Variants in BTLA observed in about 807,000 individuals in gnomAD.
The protein encoded by BTLA is B- and T-lymphocyte attenuator.
Under a neutral mutation model 25.0 loss-of-function variants are expected in BTLA, and 11 were observed. The ratio of observed to expected loss-of-function variants is 0.44; its 90% CI spans 0.28 to 0.73. The LOEUF is 0.73. BTLA is among the 30% of genes least tolerant of loss of function. The pLI is 0.15. For missense variants in BTLA, 282 were observed against 332.8 expected (o/e 0.85, Z 1.19); for synonymous variants, 104 against 119.8 (o/e 0.87, Z 0.86).
At chr3:112,488,859 G>A (rs751694452) in intron 1 of BTLA, among the ~76,000 whole-genome samples, 3 of 152,038 alleles carry the variant, frequency 2.0e-5, no homozygotes, top group Middle Eastern at 3.4e-3. Context: ...TGATCCACCC[G>A]CCTTGGCCTC....
At chr3:112,498,568 CTT>C (rs34606026) in intron 1 of BTLA, among the ~76,000 whole-genome samples, 148 of 83,858 alleles carry the variant, frequency 1.8e-3, no homozygotes, top group African/African-American at 6.8e-3. Context: ...AAGAAATTGC[CTT>C]TTTTTTTTTT....
Position 112,488,228 on chromosome 3 carries a change from C to CTTTTTTTTTTTTTTTTT in BTLA, c.89-8476_89-8460dup, listed in dbSNP as rs546779181. Reference sequence around the variant, plus strand: ...TGTCACAGTTTCCGTTTTCTTTTTTCTTTTTTTTTTTTTTTTTGAGACAGA... The same window carrying CTTTTTTTTTTTTTTTTT: ...TGTCACAGTTTCCGTTTTCTTTTTTCTTTTTTTTTTTTTTTTTTTTTTTTTTTTTTTTTTGAGACAGA... On this transcript the variant is annotated intron_variant, in intron 1 of 4. Transcript: ENST00000334529. Among the ~76,000 whole-genome samples the CTTTTTTTTTTTTTTTTT allele has an allele frequency of 1.6e-5, 2 of 124,848 alleles. 1 individual carries two copies. The allele number at this position is 124,848 out of a possible 152,430, so 81.9% of individuals were successfully genotyped here.
chr3:112,479,552 A>G lies in BTLA; in HGVS notation c.306T>C (p.Phe102=). ...CATTGTCATTAGGAAGCACTGGTTC[A>G]AAATGTAGAATGAAAAATGAAATGT... ...EKNISFFILH[F]EPVLPNDNGS... Residue 102 remains phenylalanine, a synonymous_variant, in exon 2 of 5, where the codon TTT becomes TTC. Coordinates refer to ENST00000334529, the MANE Select transcript of BTLA (RefSeq NM_181780.4). The G allele has an allele frequency of 5.0e-6, 8 of 1,614,134 alleles. No individual in the cohort carries two copies. The South Asian group carries it at 6.6e-5, about 13-fold the overall frequency.
At chr3:112,474,034 G>A (rs1046066955) in intron 2 of BTLA, among the ~76,000 whole-genome samples, 1 of 152,114 alleles carries the variant, frequency 6.6e-6, no homozygotes, top group Admixed American at 6.6e-5. Flanking sequence ...TAGGACTTTG[G>A]CTTGTTGTGC....
chr3:112,475,221 G>C (rs76205701), intron 2 of BTLA, among the ~76,000 whole-genome samples: 12 of 152,140 alleles, frequency 7.9e-5, no homozygotes, highest in Non-Finnish European at 1.6e-4. Flanking sequence ...AGGATCAAGA[G>C]CATTAATTAA....
intron 1 of BTLA, among the ~76,000 whole-genome samples, chr3:112,494,794 A>G (rs998100347): frequency 6.6e-6 from 1 of 152,174 alleles, no homozygotes; most frequent in Non-Finnish European, 1.5e-5. Context: ...GGATGGGTCA[A>G]TAGGTTAAGC....
At chr3:112,484,631 G>T (rs2082336591) in intron 1 of BTLA, among the ~76,000 whole-genome samples, 1 of 152,302 alleles carries the variant, frequency 6.6e-6, no homozygotes, top group East Asian at 1.9e-4. Context: ...TAGCCATAGG[G>T]CTATCACTTG....
intron 2 of BTLA, among the ~76,000 whole-genome samples, chr3:112,471,902 G>A (rs967423084): frequency 3.3e-5 from 5 of 152,162 alleles, no homozygotes; most frequent in Admixed American, 6.5e-5. Flanking sequence ...CAGCTAATGC[G>A]CATTACTATT....
At chr3:112,468,398 G>A (rs1015628748) in intron 4 of BTLA, among the ~76,000 whole-genome samples, 26 of 152,086 alleles carry the variant, frequency 1.7e-4, no homozygotes, top group African/African-American at 6.3e-4. Context: ...TTTATGTTAA[G>A]AAATATTTAG....
intron 4 of BTLA, among the ~76,000 whole-genome samples, chr3:112,468,026 G>A (rs1024183315): frequency 1.4e-4 from 22 of 152,188 alleles, no homozygotes; most frequent in African/African-American, 5.3e-4. Flanking sequence ...GTGGCACCCC[G>A]TCAAAGTGGC....
chr3:112,465,981 A>T lies in BTLA; in HGVS notation c.*127T>A. The T allele has an allele frequency of 1.8e-6, 2 of 1,085,064 alleles. No individual in the cohort carries two copies. Among genetic ancestry groups the T allele is most frequent in the East Asian group, 2.5e-5 (1 of 40,782 alleles). 67.2% of individuals were successfully genotyped at this position (1,085,064 alleles called of 1,614,324 possible). A position where few individuals can be genotyped will look rare whatever the true frequency, so the allele number is the denominator to read the frequency against. On this transcript the variant is annotated 3_prime_UTR_variant, in exon 5 of 5. Transcript: ENST00000334529. Reference sequence around the variant, plus strand: ...TCCTATGGACCCTTAAGACCCAAGCACTAACATGAACATTTCTAAAGTAAA... The same window carrying T: ...TCCTATGGACCCTTAAGACCCAAGCTCTAACATGAACATTTCTAAAGTAAA...
At chr3:112,495,125 A>G (rs1341832546) in intron 1 of BTLA, among the ~76,000 whole-genome samples, 1 of 152,214 alleles carries the variant, frequency 6.6e-6, no homozygotes, top group Non-Finnish European at 1.5e-5. Flanking sequence ...AATAGTCACA[A>G]CAACCTTATA....
intron 2 of BTLA, among the ~76,000 whole-genome samples, chr3:112,477,468 A>C (rs1258074388): frequency 6.6e-6 from 1 of 150,682 alleles, no homozygotes; most frequent in African/African-American, 2.4e-5. Flanking sequence ...TCATATGTTT[A>C]TTGGCCATTT....
chr3:112,499,257 A>T lies in BTLA; in HGVS notation c.88+14T>A, dbSNP rs1451070489. ...GAGAAATAAAACCAGAAATAACCTAAGCAGGTGCCTTACCATGGATGTTCC... is the reference window on the plus strand; with the variant it reads ...GAGAAATAAAACCAGAAATAACCTATGCAGGTGCCTTACCATGGATGTTCC... On this transcript the variant is annotated intron_variant, in intron 1 of 4. Coordinates refer to ENST00000334529, the MANE Select transcript of BTLA (RefSeq NM_181780.4). 1 of 1,551,196 alleles carries T rather than the reference A, an allele frequency of 6.4e-7. No individual in the cohort carries two copies. The highest frequency in any genetic ancestry group is 1.4e-5 in the African/African-American group (1 of 73,496).
intron 1 of BTLA, among the ~76,000 whole-genome samples, chr3:112,494,267 G>T (rs1178368374): frequency 1.3e-5 from 2 of 152,190 alleles, no homozygotes; most frequent in Non-Finnish European, 2.9e-5. Flanking sequence ...ATAGGTGCTG[G>T]CAAGTCTGTG....
intron 1 of BTLA, among the ~76,000 whole-genome samples, chr3:112,497,373 T>C (rs184951182): frequency 7.1e-4 from 108 of 152,318 alleles, no homozygotes; most frequent in African/African-American, 2.5e-3. Flanking sequence ...ACTTAATCAA[T>C]GCCATACAGT....
chr3:112,484,808 T>C (rs2082337640), intron 1 of BTLA, among the ~76,000 whole-genome samples: 1 of 152,152 alleles, frequency 6.6e-6, no homozygotes, highest in African/African-American at 2.4e-5. Context: ...TCCTAAATAT[T>C]CTTATCAGCA....
At chr3:112,484,318 CT>C (rs1233083827) in intron 1 of BTLA, among the ~76,000 whole-genome samples, 4 of 152,142 alleles carry the variant, frequency 2.6e-5, no homozygotes, top group Non-Finnish European at 5.9e-5. Flanking sequence ...AATACAATGC[CT>C]AATTTTGGGG....
intron 4 of BTLA, 129 bp downstream of exon 4, chr3:112,469,629 A>G: frequency 3.1e-5 from 4 of 127,594 alleles, no homozygotes; most frequent in East Asian, 6.5e-4. Context: ...ATATATATAT[A>G]TATATATATA....
Sources: allele counts gnomAD v4.1 joint callset (sites outside exome capture counted in the v4.1 genomes callset), GRCh38; gene constraint gnomAD v4.1.1; transcripts MANE v1.5; gene names NCBI Gene and HGNC (gene_info 2026-07-23, HGNC 2026-07-21).